The following TSPEAR variants were observed in gnomAD, a reference collection of about 807,000 sequenced individuals.
TSPEAR encodes thrombospondin-type laminin G domain and EAR repeat-containing protein.
Under a neutral mutation model 71.6 loss-of-function variants are expected in TSPEAR, and 69 were observed. The ratio of observed to expected loss-of-function variants is 0.96; its 90% CI spans 0.79 to 1.18. The LOEUF (loss-of-function observed/expected upper bound fraction) is 1.18. Ranked by LOEUF, TSPEAR falls within the 50% of genes most tolerant of loss-of-function variation. The probability of loss-of-function intolerance (pLI) is 0.00; values close to 1 mark genes in which losing one functional copy is unlikely to be tolerated. For synonymous variants in TSPEAR, 402 were observed against 387.2 expected (o/e 1.04, Z -0.45); for missense variants, 971 against 894.9 (o/e 1.09, Z -1.09).
chr21:44,697,606 T>C (rs1245694628), intron 1 of TSPEAR: 1 of 1,613,924 alleles, frequency 6.2e-7, no homozygotes, highest in Non-Finnish European at 8.5e-7. Flanking sequence ...GCCAGCAGTC[T>C]AGCTGCCAGC....
rs118129547 is a variant in TSPEAR at position 44,578,348 on chromosome 21, G to A, written c.83-10343C>T. ...ATGAAAAGGGATACAAGAAGAAATA[G>A]AAAATCGGAATAGCCCTCTATCAAT... On this transcript the variant is annotated intron_variant, in intron 1 of 11. Transcript: ENST00000323084. Among the ~76,000 whole-genome samples the A allele has an allele frequency of 4.5e-4, 69 of 152,298 alleles. No individual in the cohort carries two copies. The East Asian group carries it at 0.01, about 23-fold the overall frequency.
intron 1 of TSPEAR, among the ~76,000 whole-genome samples, chr21:44,576,335 G>GCCCATGGTTTTCAGCA (rs1978447695): frequency 6.8e-6 from 1 of 147,440 alleles, no homozygotes; most frequent in Non-Finnish European, 1.5e-5. Flanking sequence ...TGGGTGAACA[G>GCCCATGGTTTTCAGCA]ACACACGGAC....
At chr21:44,573,717 C>G (rs1569193881) in intron 1 of TSPEAR, 22 of 1,590,518 alleles carry the variant, frequency 1.4e-5, no homozygotes, top group Non-Finnish European at 1.8e-5. Context: ...CCCACTCCCT[C>G]CCATCTCCCC....
At chr21:44,512,267 A>C (rs2052408085) in intron 9 of TSPEAR, among the ~76,000 whole-genome samples, 1 of 138,286 alleles carries the variant, frequency 7.2e-6, no homozygotes, top group Non-Finnish European at 1.5e-5. Flanking sequence ...AGGAGGTCAG[A>C]TGTATGTGGA....
At chr21:44,700,595 A>G (rs1987603215) in intron 1 of TSPEAR, among the ~76,000 whole-genome samples, 1 of 152,148 alleles carries the variant, frequency 6.6e-6, no homozygotes, top group Non-Finnish European at 1.5e-5. Flanking sequence ...CGTGGTTTGA[A>G]TCTGCCTTGG....
At chr21:44,544,551 C>T (rs1426467330) in intron 2 of TSPEAR, among the ~76,000 whole-genome samples, 2 of 152,226 alleles carry the variant, frequency 1.3e-5, no homozygotes, top group African/African-American at 4.8e-5. Flanking sequence ...ACTTTCACCA[C>T]TGAATGCTGT....
At position 44,591,665 on chromosome 21, in the gene TSPEAR, C is replaced by A. The variant is rs1408800310; in HGVS notation, c.83-23660G>T. 4.4e-6 allele frequency: 7 copies of A among 1,585,068 alleles called. No individual in the cohort carries two copies. The African/African-American group carries it at 8.1e-5, about 18-fold the overall frequency. On this transcript the variant is annotated intron_variant, in intron 1 of 11. Coordinates refer to ENST00000323084, the MANE Select transcript of TSPEAR (RefSeq NM_144991.3). ...CATGATGTGGAAGCCCCAGAGCAGA[C>A]GGGCACACAGCAGGCGTGCTGGCAG...
chr21:44,531,576 C>T (rs961547162), intron 3 of TSPEAR, among the ~76,000 whole-genome samples: 2 of 148,098 alleles, frequency 1.4e-5, no homozygotes, highest in Admixed American at 6.8e-5. Context: ...GACATGAATT[C>T]GGGGGGGGCA....
intron 1 of TSPEAR, among the ~76,000 whole-genome samples, chr21:44,664,873 C>T (rs184624168): frequency 6.6e-5 from 10 of 152,334 alleles, no homozygotes; most frequent in Middle Eastern, 3.4e-3. Flanking sequence ...CTCCAGAGGG[C>T]GGGGGCTGAG....
chr21:44,644,764 C>A lies in TSPEAR; in HGVS notation c.82+66669G>T, dbSNP rs782041134. 1.2e-3 allele frequency among the ~76,000 whole-genome samples: 187 copies of A among 152,084 alleles called. 2 individuals carry two copies. Among genetic ancestry groups the A allele is most frequent in the Admixed American group, 4.1e-3 (62 of 15,280 alleles). ...AATAAAAAGTCATAAAAAGAGAGAC[C>A]AGGAAAGATGAAATTATTATTAAAA... On this transcript the variant is annotated intron_variant, in intron 1 of 11. Transcript: ENST00000323084.
At chr21:44,588,557 C>T (rs1267490297) in intron 1 of TSPEAR, among the ~76,000 whole-genome samples, 13 of 151,760 alleles carry the variant, frequency 8.6e-5, no homozygotes, top group South Asian at 4.2e-4. Context: ...CGTCATTATA[C>T]AAAAAAGATA....
chr21:44,562,899 C>G (rs1601420043), intron 2 of TSPEAR, among the ~76,000 whole-genome samples: 1 of 152,152 alleles, frequency 6.6e-6, no homozygotes, highest in Admixed American at 6.5e-5. Context: ...TAACTCCAGA[C>G]AGAAATTCAA....
chr21:44,662,461 A>T (rs1985544072), intron 1 of TSPEAR, among the ~76,000 whole-genome samples: 1 of 152,264 alleles, frequency 6.6e-6, no homozygotes, highest in Admixed American at 6.5e-5. Context: ...TGTAAGCACC[A>T]AACAGCCAAC....
intron 1 of TSPEAR, chr21:44,697,822 C>G (rs1555950970): frequency 6.2e-7 from 1 of 1,613,720 alleles, no homozygotes; most frequent in African/African-American, 1.3e-5. Flanking sequence ...GACCCGCCCG[C>G]CGCGTGCCCG....
At chr21:44,510,476 C>T (rs1405779751) in intron 9 of TSPEAR, among the ~76,000 whole-genome samples, 18 of 152,246 alleles carry the variant, frequency 1.2e-4, no homozygotes, top group African/African-American at 3.1e-4. Context: ...CCGGCTCAGA[C>T]GCCCCTGGGT....
At chr21:44,702,297 C>T in intron 1 of TSPEAR, 1 of 1,609,788 alleles carries the variant, frequency 6.2e-7, no homozygotes, top group Non-Finnish European at 8.5e-7. Flanking sequence ...GCTGCGCCGC[C>T]AGCTGCTGTG....
chr21:44,601,012 G>A (rs782701660), intron 1 of TSPEAR: 2 of 1,610,982 alleles, frequency 1.2e-6, no homozygotes, highest in East Asian at 2.2e-5. Flanking sequence ...TGTCTGCAGT[G>A]GGGATTCTTC....
intron 9 of TSPEAR, among the ~76,000 whole-genome samples, chr21:44,510,127 G>A (rs1016608477): frequency 6.6e-6 from 1 of 152,174 alleles, no homozygotes; most frequent in Non-Finnish European, 1.5e-5. Context: ...CCAACCTTGA[G>A]CTGCAGGACT....
intron 1 of TSPEAR, among the ~76,000 whole-genome samples, chr21:44,696,617 T>C (rs768488370): frequency 5.3e-5 from 8 of 152,244 alleles, no homozygotes; most frequent in Non-Finnish European, 8.8e-5. Flanking sequence ...TTCATTGGTC[T>C]ACGGATTCAA....
Sources: gnomAD v4.1 joint callset for allele counts (sites outside exome capture counted in the v4.1 genomes callset) on GRCh38, gnomAD v4.1.1 for gene constraint, MANE v1.5 for transcripts, NCBI Gene and HGNC (gene_info 2026-07-23, HGNC 2026-07-21) for gene names.